Variants in DGKI observed in about 807,000 individuals in gnomAD.
DGKI encodes the protein diacylglycerol kinase iota.
DGKI carries 55 observed loss-of-function variants against 147.5 expected under a neutral mutation model. That is an observed-to-expected ratio of 0.37 (90% CI 0.30 to 0.47). DGKI has a LOEUF of 0.47. DGKI is among the 20% of genes least tolerant of loss of function. DGKI has a pLI of 1.00. For missense variants in DGKI, 1,007 were observed against 1,323.8 expected (o/e 0.76, Z 3.71); for synonymous variants, 469 against 477.1 (o/e 0.98, Z 0.22).
intron 1 of DGKI, among the ~76,000 whole-genome samples, chr7:137,748,158 C>T (rs898146322): frequency 2.6e-5 from 4 of 152,068 alleles, no homozygotes; most frequent in African/African-American, 9.7e-5. Context: ...TACCTAAGTG[C>T]TAATTCTACA....
intron 30 of DGKI, among the ~76,000 whole-genome samples, chr7:137,406,765 C>T (rs1206690195): frequency 6.6e-6 from 1 of 152,018 alleles, no homozygotes; most frequent in Non-Finnish European, 1.5e-5. Flanking sequence ...TTTAATTATA[C>T]ACATGATCTT....
At chr7:137,581,965 G>T in intron 14 of DGKI, 37 bp from the exon 15 acceptor site, 1 of 1,548,970 alleles carries the variant, frequency 6.5e-7, no homozygotes, top group Non-Finnish European at 8.9e-7. Context: ...AAAATTTTGT[G>T]TGGCCAGGCA....
At chr7:137,558,432 T>G (rs934160110) in intron 19 of DGKI, among the ~76,000 whole-genome samples, 2 of 152,114 alleles carry the variant, frequency 1.3e-5, no homozygotes, top group Non-Finnish European at 2.9e-5. Context: ...CGCCACCATG[T>G]GCAGCTAATT....
At chr7:137,738,428 TA>T (rs1258976570) in intron 1 of DGKI, among the ~76,000 whole-genome samples, 6 of 152,300 alleles carry the variant, frequency 3.9e-5, no homozygotes, top group African/African-American at 1.4e-4. Context: ...CTAGTCACTG[TA>T]AGATAGGGCT....
intron 28 of DGKI, among the ~76,000 whole-genome samples, chr7:137,431,035 T>C (rs181686794): frequency 1.8e-4 from 27 of 152,160 alleles, no homozygotes; most frequent in Non-Finnish European, 2.5e-4. Context: ...CAAAGAGAAC[T>C]AGAAGTTTAA....
At chr7:137,661,974 A>C (rs1822451357) in intron 3 of DGKI, among the ~76,000 whole-genome samples, 1 of 152,238 alleles carries the variant, frequency 6.6e-6, no homozygotes, top group East Asian at 1.9e-4. Flanking sequence ...TGAAAACAAG[A>C]GTTCTTTGAT....
chr7:137,846,517 C>T lies in DGKI; in HGVS notation c.346G>A (p.Glu116Lys), dbSNP rs761954841. 1 of 1,579,200 alleles carries T rather than the reference C, an allele frequency of 6.3e-7. No individual in the cohort carries two copies. The highest frequency in any genetic ancestry group is 1.7e-5 in the Admixed American group (1 of 58,892). The change falls in exon 1 of 33, where the codon GAA (glutamate) becomes AAA (lysine). Residue 116 changes from glutamate to lysine, a missense_variant. Glu to Lys is a moderately conservative substitution (Grantham distance 56, BLOSUM62 1). Transcript: ENST00000614521. This position sits in a 1 kb window ranked among gnomAD's most constrained non-coding sequence, Gnocchi z 4.0. Reference protein sequence around the residue: ...PAAAGQKEKDEALEEKLRNLT... With the variant: ...PAAAGQKEKDKALEEKLRNLT... The stretch of plus-strand genomic sequence containing the variant: ...TTCCTCAGCTTCTCCTCCAGCGCTT[C>T]GTCCTTCTCCTTCTGGCCGGCGGCC...
chr7:137,552,752 T>TCCAA lies in DGKI; in HGVS notation c.1948-185_1948-184insTTGG, dbSNP rs777780004. Reference sequence around the variant, plus strand: ...GGCGAGACCCGGTCTCTACTAAAAATACAAAAAAAAAAAAAAGCTGGGCAT... The same window carrying TCCAA: ...GGCGAGACCCGGTCTCTACTAAAAATCCAAACAAAAAAAAAAAAAAGCTGGGCAT... On this transcript the variant is annotated intron_variant, in intron 19 of 32. Transcript: ENST00000614521. Among the ~76,000 whole-genome samples the TCCAA allele has an allele frequency of 1.7e-3, 211 of 121,268 alleles. 4 individuals carry two copies. Among genetic ancestry groups the TCCAA allele is most frequent in the African/African-American group, 5.2e-3 (172 of 33,092 alleles). 79.6% of individuals were successfully genotyped at this position (121,268 alleles called of 152,430 possible).
intron 6 of DGKI, among the ~76,000 whole-genome samples, chr7:137,628,432 A>G (rs1443482568): frequency 6.6e-6 from 1 of 152,192 alleles, no homozygotes; most frequent in Admixed American, 6.5e-5. Flanking sequence ...ACATAAATAG[A>G]GCACATCAGA....
intron 14 of DGKI, among the ~76,000 whole-genome samples, chr7:137,584,632 A>C (rs1164165901): frequency 6.6e-6 from 1 of 152,248 alleles, no homozygotes; most frequent in African/African-American, 2.4e-5. Flanking sequence ...TCATACCCCA[A>C]ACCTCAGCAT....
intron 28 of DGKI, among the ~76,000 whole-genome samples, chr7:137,440,800 T>C (rs180895305): frequency 6.0e-4 from 92 of 152,326 alleles, no homozygotes; most frequent in African/African-American, 2.0e-3. Flanking sequence ...GATGCGCTAT[T>C]ATATAAATAT....
chr7:137,570,598 T>C lies in DGKI; in HGVS notation c.1947+577A>G, dbSNP rs558411385. On this transcript the variant is annotated intron_variant, in intron 19 of 32. Transcript: ENST00000614521. ...TGGGATGTTTCTATAGTGTAATTTTTTTTTTTTTTTTTGAGATGCAGTTTC... is the reference window on the plus strand; with the variant it reads ...TGGGATGTTTCTATAGTGTAATTTTCTTTTTTTTTTTTGAGATGCAGTTTC... Among the ~76,000 whole-genome samples, 10 of 151,934 alleles carry C rather than the reference T, an allele frequency of 6.6e-5. 1 individual carries two copies. The South Asian group carries it at 2.1e-3, about 32-fold the overall frequency.
chr7:137,708,198 A>T (rs1435938268), intron 1 of DGKI, among the ~76,000 whole-genome samples: 1 of 152,252 alleles, frequency 6.6e-6, no homozygotes, highest in African/African-American at 2.4e-5. Context: ...AATGGAGATT[A>T]AAATACCTGT....
At chr7:137,698,895 A>G (rs1823884052) in intron 1 of DGKI, among the ~76,000 whole-genome samples, 1 of 152,168 alleles carries the variant, frequency 6.6e-6, no homozygotes, top group Non-Finnish European at 1.5e-5. Context: ...GGGCCACACA[A>G]TAGAAAGGAA....
intron 8 of DGKI, among the ~76,000 whole-genome samples, chr7:137,611,301 C>A (rs1417682264): frequency 6.6e-6 from 1 of 152,168 alleles, no homozygotes; most frequent in Non-Finnish European, 1.5e-5. Flanking sequence ...TGCTTCTCAA[C>A]CATCTCTACA....
rs1811176190 is a variant in DGKI, at chr7:137,386,356, TG to T, written c.*4863del. ...TCCTCCAGGTGCCGTCAAAGAGGCATGTGGCTTACATTGTTGAATGAGGAAG... is the reference window on the plus strand; with the variant it reads ...TCCTCCAGGTGCCGTCAAAGAGGCATTGGCTTACATTGTTGAATGAGGAAG... On this transcript the variant is annotated 3_prime_UTR_variant, in exon 33 of 33. Coordinates refer to ENST00000614521, the MANE Select transcript of DGKI (RefSeq NM_001321708.2). The T allele has an allele frequency of 6.6e-6, 1 of 152,134 alleles. No individual in the cohort carries two copies. The highest frequency in any genetic ancestry group is 1.5e-5 in the Non-Finnish European group (1 of 68,030). 9.4% of individuals were successfully genotyped at this position (152,134 alleles called of 1,614,324 possible).
At chr7:137,419,956 T>C (rs1036777427) in intron 28 of DGKI, among the ~76,000 whole-genome samples, 1 of 152,264 alleles carries the variant, frequency 6.6e-6, no homozygotes, top group Non-Finnish European at 1.5e-5. Context: ...AACCCAATTA[T>C]TTCTTTTGCT....
At chr7:137,437,957 C>G (rs1375205692) in intron 28 of DGKI, among the ~76,000 whole-genome samples, 1 of 151,982 alleles carries the variant, frequency 6.6e-6, no homozygotes, top group Non-Finnish European at 1.5e-5. Flanking sequence ...TCCAAGTTAT[C>G]AAATATTAAA....
At chr7:137,623,144 A>G (rs1820808552) in intron 7 of DGKI, among the ~76,000 whole-genome samples, 1 of 152,240 alleles carries the variant, frequency 6.6e-6, no homozygotes, top group African/African-American at 2.4e-5. Context: ...AGGAGTTCTC[A>G]ACAATACAGA....
Sources: gnomAD v4.1 joint callset for allele counts (sites outside exome capture counted in the v4.1 genomes callset) on GRCh38, gnomAD v4.1.1 for gene constraint, Gnocchi (gnomAD v3.1) non-coding constraint, MANE v1.5 for transcripts, NCBI Gene and HGNC (gene_info 2026-07-23, HGNC 2026-07-21) for gene names.